GUCY1A2: variants seen among roughly 807,000 people sequenced by gnomAD.
GUCY1A2 encodes the protein guanylate cyclase soluble subunit alpha-2.
Under a neutral mutation model 63.5 loss-of-function variants are expected in GUCY1A2, and 27 were observed. The ratio of observed to expected loss-of-function variants is 0.43; its 90% confidence interval spans 0.31 to 0.59. The LOEUF is 0.59. Among genes scored for constraint, GUCY1A2 ranks in the 20% least tolerant of loss-of-function variants. The probability of loss-of-function intolerance (pLI) is 0.11; values close to 1 mark genes in which losing one functional copy is unlikely to be tolerated. For synonymous variants in GUCY1A2, 364 were observed against 343.5 expected (o/e 1.06, Z -0.66); for missense variants, 768 against 913.3 (o/e 0.84, Z 2.05).
At chr11:106,781,112 C>CAAA (rs565279937) in intron 5 of GUCY1A2, among the ~76,000 whole-genome samples, 5,159 of 87,494 alleles carry the variant, frequency 0.059, 116 homozygotes, top group East Asian at 0.082. Context: ...AAACAGACTA[C>CAAA]AAAAAAAAAA....
At chr11:106,739,425 G>A (rs7129036) in intron 6 of GUCY1A2, among the ~76,000 whole-genome samples, 93,236 of 152,116 alleles carry the variant, frequency 0.61, 28,952 homozygotes, top group East Asian at 0.89. Flanking sequence ...AACAGTGGTC[G>A]AACATAAAAT....
chr11:106,904,860 G>T (rs1860182818), intron 4 of GUCY1A2, among the ~76,000 whole-genome samples: 1 of 151,806 alleles, frequency 6.6e-6, no homozygotes, highest in African/African-American at 2.4e-5. Flanking sequence ...ATAATTAAGT[G>T]TAATTATCTT....
chr11:106,698,581 T>A (rs899300445), intron 7 of GUCY1A2, among the ~76,000 whole-genome samples: 3 of 152,208 alleles, frequency 2.0e-5, no homozygotes, highest in Non-Finnish European at 4.4e-5. Flanking sequence ...TTTCATCTAA[T>A]ATTAACATTC....
intron 6 of GUCY1A2, among the ~76,000 whole-genome samples, chr11:106,729,756 A>G (rs1863468234): frequency 6.6e-6 from 1 of 152,094 alleles, no homozygotes; most frequent in East Asian, 1.9e-4. Flanking sequence ...AAATATCTTG[A>G]TATTGTTTCT....
At chr11:106,898,827 T>C (rs1860087173) in intron 4 of GUCY1A2, among the ~76,000 whole-genome samples, 1 of 152,174 alleles carries the variant, frequency 6.6e-6, no homozygotes, top group South Asian at 2.1e-4. Flanking sequence ...ACACTAAAAG[T>C]GAACTCTAAT....
intron 4 of GUCY1A2, among the ~76,000 whole-genome samples, chr11:106,818,963 C>A (rs892823132): frequency 9.9e-5 from 15 of 152,032 alleles, no homozygotes; most frequent in African/African-American, 3.6e-4. Context: ...GAGGATGGTT[C>A]ATGAGGTTTA....
chr11:106,707,015 GA>G (rs1433757732), intron 7 of GUCY1A2, among the ~76,000 whole-genome samples: 1 of 152,096 alleles, frequency 6.6e-6, no homozygotes, highest in Non-Finnish European at 1.5e-5. Flanking sequence ...TGATTAGATA[GA>G]ATCCTGAAAC....
intron 6 of GUCY1A2, among the ~76,000 whole-genome samples, chr11:106,741,850 C>T (rs1443072848): frequency 6.6e-6 from 1 of 152,184 alleles, no homozygotes; most frequent in Non-Finnish European, 1.5e-5. Flanking sequence ...ATCAAGTGCA[C>T]TGAATCCTTT....
At chr11:106,972,481 C>T (rs1861208271) in intron 3 of GUCY1A2, among the ~76,000 whole-genome samples, 1 of 152,056 alleles carries the variant, frequency 6.6e-6, no homozygotes, top group Non-Finnish European at 1.5e-5. Flanking sequence ...TCTCCCTTCA[C>T]ACAAAGAAGA....
chr11:106,851,370 C>A (rs111898047), intron 4 of GUCY1A2, among the ~76,000 whole-genome samples: 196 of 151,862 alleles, frequency 1.3e-3, no homozygotes, highest in African/African-American at 4.4e-3. Flanking sequence ...TCCCATTTAC[C>A]TATATTTCTT....
chr11:107,003,055 T>C (rs1218172699), intron 1 of GUCY1A2, among the ~76,000 whole-genome samples: 1 of 152,148 alleles, frequency 6.6e-6, no homozygotes, highest in Non-Finnish European at 1.5e-5. Context: ...AGTTTTTTTT[T>C]ACTTATCTTT....
intron 4 of GUCY1A2, among the ~76,000 whole-genome samples, chr11:106,820,697 C>G (rs1354428555): frequency 2.6e-5 from 4 of 152,136 alleles, no homozygotes; most frequent in African/African-American, 4.8e-5. Context: ...TGCACCTGGC[C>G]TAGCCTAAGC....
intron 4 of GUCY1A2, among the ~76,000 whole-genome samples, chr11:106,907,462 A>T (rs368115753): frequency 6.6e-6 from 1 of 151,814 alleles, no homozygotes; most frequent in African/African-American, 2.4e-5. Flanking sequence ...TGTGCAGGTT[A>T]GTTACATATG....
At chr11:107,002,041 C>T (rs187157556) in intron 1 of GUCY1A2, among the ~76,000 whole-genome samples, 1 of 151,680 alleles carries the variant, frequency 6.6e-6, no homozygotes, top group Non-Finnish European at 1.5e-5. Flanking sequence ...AAATTGTTGC[C>T]CAACCACAAT....
At chr11:106,899,168 A>G (rs1387410149) in intron 4 of GUCY1A2, among the ~76,000 whole-genome samples, 1 of 152,180 alleles carries the variant, frequency 6.6e-6, no homozygotes, top group East Asian at 1.9e-4. Flanking sequence ...CCAAAGTGAG[A>G]AATTTTTGCA....
At chr11:106,983,694 A>G (rs1478897875) in intron 2 of GUCY1A2, among the ~76,000 whole-genome samples, 2 of 152,336 alleles carry the variant, frequency 1.3e-5, no homozygotes, top group East Asian at 1.9e-4. Flanking sequence ...CAACACCTCA[A>G]CACAAGGTAT....
At chr11:106,985,386 T>G (rs1861388411) in intron 2 of GUCY1A2, among the ~76,000 whole-genome samples, 1 of 152,248 alleles carries the variant, frequency 6.6e-6, no homozygotes, top group Non-Finnish European at 1.5e-5. Context: ...ATTAGAGGTG[T>G]ACCTCATACT....
At chr11:106,712,475 C>G (rs1191611347) in intron 6 of GUCY1A2, among the ~76,000 whole-genome samples, 1 of 152,120 alleles carries the variant, frequency 6.6e-6, no homozygotes, top group African/African-American at 2.4e-5. Flanking sequence ...CTGTACCTAT[C>G]CATTTGGATT....
intron 6 of GUCY1A2, among the ~76,000 whole-genome samples, chr11:106,755,341 A>G (rs112038219): frequency 0.11 from 16,327 of 150,742 alleles, 1,038 homozygotes; most frequent in African/African-American, 0.18. Context: ...TTGTGTCTCT[A>G]CCTCCTTCAA....
Sources: allele counts gnomAD v4.1 joint callset (sites outside exome capture counted in the v4.1 genomes callset), GRCh38; gene constraint gnomAD v4.1.1; transcripts MANE v1.5; gene names NCBI Gene and HGNC (gene_info 2026-07-23, HGNC 2026-07-21).